Variants in COL23A1 observed in about 807,000 individuals in gnomAD.
COL23A1 encodes the protein collagen type XXIII alpha 1 chain.
Under a neutral mutation model 99.3 loss-of-function variants are expected in COL23A1, and 97 were observed. The ratio of observed to expected loss-of-function variants is 0.98; its 90% CI spans 0.83 to 1.16. COL23A1 has a LOEUF of 1.16. COL23A1 is among the 50% of genes most tolerant of loss of function. The pLI, the probability that COL23A1 is intolerant of heterozygous loss-of-function variation, is 0.00. For missense variants in COL23A1, 762 were observed against 757.4 expected (o/e 1.01, Z -0.07); for synonymous variants, 320 against 308.2 (o/e 1.04, Z -0.40).
At chr5:178,272,889 C>G (rs951956422) in intron 5 of COL23A1, among the ~76,000 whole-genome samples, 1 of 152,122 alleles carries the variant, frequency 6.6e-6, no homozygotes, top group Non-Finnish European at 1.5e-5. Flanking sequence ...CTCTTCGTGG[C>G]CCCCACTCAG....
chr5:178,494,114 T>C (rs972863884), intron 2 of COL23A1, among the ~76,000 whole-genome samples: 3 of 152,214 alleles, frequency 2.0e-5, no homozygotes, highest in African/African-American at 4.8e-5. Context: ...GGGGTGAACA[T>C]TATACGGGAG....
intron 2 of COL23A1, among the ~76,000 whole-genome samples, chr5:178,345,726 C>T (rs1166835663): frequency 1.3e-5 from 2 of 151,702 alleles, no homozygotes; most frequent in African/African-American, 4.8e-5. Context: ...AGGGTTTCAC[C>T]GTGTTAGCCA....
chr5:178,574,791 A>T (rs1044901517), intron 1 of COL23A1, among the ~76,000 whole-genome samples: 2 of 152,114 alleles, frequency 1.3e-5, no homozygotes, highest in Non-Finnish European at 2.9e-5. Flanking sequence ...TATTCAGCTT[A>T]GCATCTCCGA....
intron 2 of COL23A1, among the ~76,000 whole-genome samples, chr5:178,461,287 C>A (rs1756108447): frequency 6.6e-6 from 1 of 152,214 alleles, no homozygotes; most frequent in Non-Finnish European, 1.5e-5. Flanking sequence ...CCTCTCCTAG[C>A]TGTAATGGCT....
In COL23A1 at chr5:178,539,312, C is replaced by T. The variant is rs191663595; in HGVS notation, c.361+21370G>A. Among the ~76,000 whole-genome samples the T allele has an allele frequency of 4.7e-4, 71 of 152,032 alleles. 1 individual carries two copies. The highest frequency in any genetic ancestry group is 3.4e-3 in the Middle Eastern group (1 of 292). ...CTGTAATCCCAGCAATTTGGGAAGC[C>T]GAGGTGGATGGATCACCTGAGGTCA... On this transcript the variant is annotated intron_variant, in intron 2 of 28. Transcript: ENST00000390654.
chr5:178,383,817 G>C (rs1224630216), intron 2 of COL23A1, among the ~76,000 whole-genome samples: 2 of 151,536 alleles, frequency 1.3e-5, no homozygotes, highest in African/African-American at 2.4e-5. Context: ...GCACTCCTTT[G>C]TGTGGTCACC....
chr5:178,557,722 G>C (rs1285679565), intron 2 of COL23A1, among the ~76,000 whole-genome samples: 1 of 152,156 alleles, frequency 6.6e-6, no homozygotes, highest in Non-Finnish European at 1.5e-5. Flanking sequence ...AAAGCCCGAG[G>C]GACACGCTGG....
At chr5:178,250,373 A>C (rs1399334819) in intron 17 of COL23A1, among the ~76,000 whole-genome samples, 1 of 152,356 alleles carries the variant, frequency 6.6e-6, no homozygotes. Context: ...CACAGAGCCC[A>C]GGAACAACGA....
intron 2 of COL23A1, among the ~76,000 whole-genome samples, chr5:178,474,776 C>T (rs1581459486): frequency 6.6e-6 from 1 of 152,306 alleles, no homozygotes; most frequent in Middle Eastern, 3.4e-3. Flanking sequence ...CAGCAGGGAA[C>T]ACAGATTATA....
intron 8 of COL23A1, among the ~76,000 whole-genome samples, chr5:178,266,239 C>T (rs1755889593): frequency 6.6e-6 from 1 of 152,062 alleles, no homozygotes; most frequent in African/African-American, 2.4e-5. Flanking sequence ...TGGGGTTTCA[C>T]CATGTTGGTC....
intron 2 of COL23A1, among the ~76,000 whole-genome samples, chr5:178,327,921 C>A (rs899300180): frequency 6.6e-6 from 1 of 152,230 alleles, no homozygotes; most frequent in African/African-American, 2.4e-5. Flanking sequence ...CAAAGGACCC[C>A]GGCAAGCCCT....
intron 2 of COL23A1, among the ~76,000 whole-genome samples, chr5:178,368,865 C>T (rs1333000565): frequency 3.9e-5 from 6 of 152,262 alleles, no homozygotes; most frequent in Admixed American, 1.3e-4. Flanking sequence ...CTGACTGATT[C>T]CTGCTGGCTC....
chr5:178,301,444 T>G (rs1758026634), intron 3 of COL23A1, among the ~76,000 whole-genome samples: 1 of 152,206 alleles, frequency 6.6e-6, no homozygotes, highest in Admixed American at 6.5e-5. Flanking sequence ...TCAGGGATAG[T>G]TTCTATTGAC....
intron 2 of COL23A1, among the ~76,000 whole-genome samples, chr5:178,425,462 TAA>T (rs1303033045): frequency 9.8e-6 from 1 of 101,590 alleles, no homozygotes; most frequent in Non-Finnish European, 1.9e-5. Context: ...AATAAATAAA[TAA>T]ATAAAAATAA....
Position 178,329,193 on chromosome 5 carries a change from G to A in COL23A1, c.362-22274C>T, listed in dbSNP as rs73344885. Reference sequence around the variant, plus strand: ...ACTGCCAAATTGATTTCCAAATTTCGTGAAACAAATTTATTCCCAGGTGAA... The same window carrying A: ...ACTGCCAAATTGATTTCCAAATTTCATGAAACAAATTTATTCCCAGGTGAA... On this transcript the variant is annotated intron_variant, in intron 2 of 28. Coordinates refer to ENST00000390654, the MANE Select transcript of COL23A1 (RefSeq NM_173465.4). Among the ~76,000 whole-genome samples the A allele has an allele frequency of 8.2e-3, 1,255 of 152,296 alleles. 18 individuals carry two copies. Among genetic ancestry groups the A allele is most frequent in the African/African-American group, 0.029 (1,194 of 41,558 alleles).
chr5:178,542,776 C>A (rs573268486), intron 2 of COL23A1, among the ~76,000 whole-genome samples: 283 of 152,296 alleles, frequency 1.9e-3, no homozygotes, highest in African/African-American at 6.6e-3. Flanking sequence ...TAAATCTGAA[C>A]AGTCTCTGAG....
intron 1 of COL23A1, among the ~76,000 whole-genome samples, chr5:178,572,755 A>G (rs1763171141): frequency 6.6e-6 from 1 of 152,264 alleles, no homozygotes; most frequent in African/African-American, 2.4e-5. Context: ...TTTACAATAG[A>G]CAAAAACTGG....
At chr5:178,421,934 C>CA (rs1765654214) in intron 2 of COL23A1, among the ~76,000 whole-genome samples, 1 of 151,860 alleles carries the variant, frequency 6.6e-6, no homozygotes, top group African/African-American at 2.4e-5. Flanking sequence ...TGAAGAACGC[C>CA]GGGGGGTGGA....
At chr5:178,299,339 G>T (rs554132480) in intron 3 of COL23A1, among the ~76,000 whole-genome samples, 50 of 152,300 alleles carry the variant, frequency 3.3e-4, no homozygotes, top group African/African-American at 1.0e-3. Flanking sequence ...TTTGTTACAG[G>T]TCTATTCAGA....
Sources: gnomAD v4.1 joint callset for allele counts (sites outside exome capture counted in the v4.1 genomes callset) on GRCh38, gnomAD v4.1.1 for gene constraint, MANE v1.5 for transcripts, NCBI Gene and HGNC (gene_info 2026-07-23, HGNC 2026-07-21) for gene names.